RBBP6: variants seen among roughly 807,000 people sequenced by gnomAD.
RBBP6 encodes the protein RB binding protein 6, ubiquitin ligase.
In RBBP6, 25 loss-of-function variants were observed where a neutral mutation model predicts 167.7. The observed-to-expected ratio is 0.15, with a 90% CI of 0.11 to 0.21. The LOEUF is 0.21. Ranked by LOEUF, RBBP6 falls within the 10% of genes least tolerant of loss-of-function variation. The pLI, the probability that RBBP6 is intolerant of heterozygous loss-of-function variation, is 1.00. For synonymous variants in RBBP6, 789 were observed against 735.8 expected (o/e 1.07, Z -1.17); for missense variants, 1,868 against 2,134.2 (o/e 0.88, Z 2.46).
intron 3 of RBBP6, among the ~76,000 whole-genome samples, chr16:24,551,991 T>C (rs1227360822): frequency 6.6e-6 from 1 of 151,750 alleles, no homozygotes; most frequent in Non-Finnish European, 1.5e-5. Context: ...CCACTTGAGA[T>C]TAGTTCTTAA....
In RBBP6 at chr16:24,567,479, T is replaced by C. The variant is rs766024009; in HGVS notation, c.1926T>C (p.Tyr642=). 5 of 1,613,204 alleles carry C rather than the reference T, an allele frequency of 3.1e-6. No homozygotes were observed. Among genetic ancestry groups the C allele is most frequent in the Non-Finnish European group, 3.4e-6 (4 of 1,179,210 alleles). The change falls in exon 15 of 18, where the codon TAT becomes TAC. Residue 642 remains tyrosine, a synonymous_variant. Coordinates refer to ENST00000319715, the MANE Select transcript of RBBP6 (RefSeq NM_006910.5). ...CACCTTTGTCCAGGGAAGAATTCTA[T>C]AGAGAGCAGCGACGACTAAAAGAAG... ...QAPPLSREEF[Y]REQRRLKEEE... is the part of the protein sequence containing the mutation.
chr16:24,566,926 A>G (rs909108908), intron 14 of RBBP6, among the ~76,000 whole-genome samples: 1 of 152,162 alleles, frequency 6.6e-6, no homozygotes, highest in African/African-American at 2.4e-5. Flanking sequence ...AGAAGGTCCT[A>G]TAAACTTGCA....
At chr16:24,561,288 C>G (rs1266610878) in intron 8 of RBBP6, among the ~76,000 whole-genome samples, 4 of 151,652 alleles carry the variant, frequency 2.6e-5, no homozygotes, top group African/African-American at 9.7e-5. Flanking sequence ...GGGATCCTTG[C>G]TATTTTGCCC....
chr16:24,558,115 C>G (rs369784340), intron 7 of RBBP6, among the ~76,000 whole-genome samples: 1 of 152,096 alleles, frequency 6.6e-6, no homozygotes, highest in East Asian at 1.9e-4. Flanking sequence ...AAGAGCAGAC[C>G]GCTTCATCTA....
chr16:24,562,174 G>C lies in RBBP6; in HGVS notation c.1289+13G>C. 1 of 1,577,096 alleles carries C rather than the reference G, an allele frequency of 6.3e-7. No homozygotes were observed. Among genetic ancestry groups the C allele is most frequent in the Non-Finnish European group, 8.7e-7 (1 of 1,151,006 alleles). On this transcript the variant is annotated intron_variant, in intron 10 of 17. Coordinates refer to ENST00000319715, the MANE Select transcript of RBBP6 (RefSeq NM_006910.5). ...ATGGACCTTTTCGGTAAGCCTGTGT[G>C]TTTTTCACTGTTAGAAACCAAATGA...
At chr16:24,549,066 T>C in intron 3 of RBBP6, 85 bp downstream of exon 3, 1 of 1,562,302 alleles carries the variant, frequency 6.4e-7, no homozygotes. Context: ...TTTTAGAACT[T>C]AATATCCAAC....
chr16:24,549,432 G>A (rs1181699739), intron 3 of RBBP6: 1 of 937,770 alleles, frequency 1.1e-6, no homozygotes, highest in Non-Finnish European at 1.3e-6. Flanking sequence ...GTATCACTTA[G>A]TTTTTGTTAG....
At chr16:24,563,525 G>T in intron 12 of RBBP6, 24 bp downstream of exon 12, 1 of 1,612,074 alleles carries the variant, frequency 6.2e-7, no homozygotes. Flanking sequence ...CTTTGGTTTA[G>T]ACCTTTTTCC....
intron 6 of RBBP6, among the ~76,000 whole-genome samples, 153 bp from the exon 7 acceptor site, chr16:24,556,155 C>T (rs7202917): frequency 0.018 from 2,777 of 152,244 alleles, 97 homozygotes; most frequent in African/African-American, 0.064. Context: ...TAAAATAGTA[C>T]GTACTTCACA....
chr16:24,560,780 T>C (rs1036191643), intron 8 of RBBP6, among the ~76,000 whole-genome samples: 1 of 152,216 alleles, frequency 6.6e-6, no homozygotes, highest in African/African-American at 2.4e-5. Flanking sequence ...AGAGATTATT[T>C]AAAGTATACT....
rs775576986 is a variant in RBBP6 at position 24,548,939 on chromosome 16, T to A, written c.267-6T>A. ...TGTTAATTTTTGTTTTTATTTTGTG[T>A]TTTAGAAGTCGAACTGAACCAGCGA... is the stretch of plus-strand genomic sequence containing the variant. On this transcript the variant is annotated splice_polypyrimidine_tract_variant and splice_region_variant and intron_variant, in intron 2 of 17. Transcript: ENST00000319715. 2 of 1,604,226 alleles carry A rather than the reference T, an allele frequency of 1.2e-6. No individual in the cohort carries two copies. The highest frequency in any genetic ancestry group is 1.7e-6 in the Non-Finnish European group (2 of 1,174,606).
rs1254531995 is a variant in RBBP6, at chr16:24,555,804, T to TTTTTTCCCCC, written c.438-12_438-3dup. ...TCAAAGTCCTCGTATACATGTAATTTTTTTTCCCCCTTTTAGTTACATGAA... is the reference window on the plus strand; with the variant it reads ...TCAAAGTCCTCGTATACATGTAATTTTTTTTCCCCCTTTTTCCCCCTTTTAGTTACATGAA... On this transcript the variant is annotated splice_polypyrimidine_tract_variant and intron_variant, in intron 5 of 17. Coordinates refer to ENST00000319715, the MANE Select transcript of RBBP6 (RefSeq NM_006910.5). 1 of 1,593,186 alleles carries TTTTTTCCCCC rather than the reference T, an allele frequency of 6.3e-7. No homozygotes were observed. Among genetic ancestry groups the TTTTTTCCCCC allele is most frequent in the East Asian group, 2.2e-5 (1 of 44,794 alleles).
intron 3 of RBBP6, among the ~76,000 whole-genome samples, chr16:24,550,353 GT>G (rs909261416): frequency 5.2e-5 from 7 of 133,588 alleles, no homozygotes; most frequent in Middle Eastern, 4.3e-3. Context: ...GATATGGGGT[GT>G]TTTTTTTTGT....
chr16:24,546,847 G>A (rs1898666909), intron 2 of RBBP6, among the ~76,000 whole-genome samples: 1 of 152,182 alleles, frequency 6.6e-6, no homozygotes, highest in African/African-American at 2.4e-5. Context: ...ATAGGGACGT[G>A]AGTACTTAAC....
Position 24,570,158 on chromosome 16 carries a change from A to G in RBBP6, c.3468A>G (p.Val1156=), listed in dbSNP as rs760944143. ...KRKRKTEEKG[V]DKDFESSSMK... ...AAAGAAAAACTGAAGAAAAAGGCGT[A>G]GATAAAGATTTTGAGTCTTCTTCAA... is the stretch of plus-strand genomic sequence containing the variant. The change falls in exon 17 of 18, where the codon GTA becomes GTG. Residue 1156 remains valine (V), a synonymous_variant. Transcript: ENST00000319715. 4.4e-6 allele frequency: 7 copies of G among 1,593,856 alleles called. No individual in the cohort carries two copies. The highest frequency in any genetic ancestry group is 1.9e-5 in the Admixed American group (1 of 53,822).
Position 24,572,439 on chromosome 16 carries a change from T to G in RBBP6, c.5373T>G (p.Thr1791=), listed in dbSNP as rs560708780. 2.6e-6 allele frequency: 4 copies of G among 1,523,986 alleles called. No homozygotes were observed. The highest frequency in any genetic ancestry group is 2.8e-5 in the African/African-American group (2 of 71,012). The allele number at this position is 1,523,986 out of a possible 1,614,324, so 94.4% of individuals were successfully genotyped here. A position where few individuals can be genotyped will look rare whatever the true frequency, so the allele number is the denominator to read the frequency against. The change falls in exon 18 of 18, where the codon ACT becomes ACG. Residue 1791 remains threonine, a synonymous_variant. Coordinates refer to ENST00000319715, the MANE Select transcript of RBBP6 (RefSeq NM_006910.5). ...ATGACCAAAAAGTGAAATCTGTCACTGTGTAAAAAGACAGATTTTTTAAAT... is the reference window on the plus strand; with the variant it reads ...ATGACCAAAAAGTGAAATCTGTCACGGTGTAAAAAGACAGATTTTTTAAAT... ...EKDDQKVKSV[T]V is the part of the protein sequence containing the mutation.
chr16:24,549,066 TA>T, intron 3 of RBBP6, 85 bp downstream of exon 3: 2 of 1,562,302 alleles, frequency 1.3e-6, no homozygotes, highest in East Asian at 4.7e-5. Flanking sequence ...TTTTAGAACT[TA>T]ATATCCAACT....
Position 24,540,128 on chromosome 16 carries a change from C to G in RBBP6, c.-499C>G, listed in dbSNP as rs1041045778. ...AGCCAGGAGGAGGCGTGAGGCCGCT[C>G]GTGGACTCCGGGCCTAGGCCCTCTC... is the stretch of plus-strand genomic sequence containing the variant. On this transcript the variant is annotated 5_prime_UTR_variant, in exon 1 of 18. Coordinates refer to ENST00000319715, the MANE Select transcript of RBBP6 (RefSeq NM_006910.5). The G allele has an allele frequency of 1.3e-5, 2 of 153,608 alleles. No homozygotes were observed. Among genetic ancestry groups the G allele is most frequent in the African/African-American group, 4.8e-5 (2 of 41,474 alleles). The allele number at this position is 153,608 out of a possible 1,614,324, so 9.5% of individuals were successfully genotyped here.
chr16:24,571,592 C>T lies in RBBP6; in HGVS notation c.4526C>T (p.Ser1509Phe), dbSNP rs1448245642. ...CCTTCTCGGAATAAAGATTCTGCAT[C>T]TGGACAGAAAAATAAACCAAGGGAA... The part of the protein sequence containing the change: ...DSPSRNKDSA[S>F]GQKNKPREER... The change falls in exon 18 of 18, where the codon TCT becomes TTT. Residue 1509 changes from serine (S) to phenylalanine (F), a missense_variant. Transcript: ENST00000319715. 4 of 1,611,316 alleles carry T rather than the reference C, an allele frequency of 2.5e-6. No individual in the cohort carries two copies. In the African/African-American group the frequency reaches 4.0e-5, roughly 16 times the overall value.
Sources: gnomAD v4.1 joint callset for allele counts (sites outside exome capture counted in the v4.1 genomes callset) on GRCh38, gnomAD v4.1.1 for gene constraint, MANE v1.5 for transcripts, NCBI Gene and HGNC (gene_info 2026-07-23, HGNC 2026-07-21) for gene names.